The following PDK3 variants were observed in gnomAD, a reference collection of about 807,000 sequenced individuals.
PDK3 encodes the protein pyruvate dehydrogenase kinase 3.
PDK3 carries 12 observed loss-of-function variants against 32.0 expected under a neutral mutation model. That is an observed-to-expected ratio of 0.37 (90% CI 0.24 to 0.61). PDK3 has a LOEUF of 0.61. Ranked by LOEUF, PDK3 falls within the 20% of genes least tolerant of loss-of-function variation. PDK3 has a pLI of 0.65. For synonymous variants in PDK3, 122 were observed against 116.3 expected, an observed-to-expected ratio of 1.05 and a Z score of -0.31; for missense variants, 188 against 316.9, an observed-to-expected ratio of 0.59 and a Z score of 3.09.
In PDK3 at chrX:24,533,988, T is replaced by C. The variant is rs201109489; in HGVS notation, c.1137T>C (p.His379=). ...TTTTTAATAAGTCCGCATGGCGCCA[T>C]TACAAGACCACGCCTGAAGCCGATG... ...LPVFNKSAWR[H]YKTTPEADDW... The change falls in exon 11 of 11, where the codon CAT becomes CAC. Residue 379 remains histidine, a synonymous_variant. Coordinates refer to ENST00000379162, the MANE Select transcript of PDK3 (RefSeq NM_005391.5). The C allele has an allele frequency of 6.6e-6, 8 of 1,208,758 alleles. No individual in the cohort carries two copies. The highest frequency in any genetic ancestry group is 6.7e-6 in the Non-Finnish European group (6 of 894,483).
chrX:24,538,785 A>C (rs1348788558), downstream of PDK3, among the ~76,000 whole-genome samples: 2 of 111,315 alleles, frequency 1.8e-5, no homozygotes, highest in Non-Finnish European at 3.8e-5. Context: ...ATAATAAATA[A>C]ATAAATAAAA....
At chrX:24,476,667 A>G (rs749556378) in intron 1 of PDK3, among the ~76,000 whole-genome samples, 6 of 111,937 alleles carry the variant, frequency 5.4e-5, no homozygotes, top group Admixed American at 9.5e-5. Context: ...TAATTGATGA[A>G]CCAGCATTGA....
At chrX:24,473,157 C>T (rs974631303) in intron 1 of PDK3, among the ~76,000 whole-genome samples, 4 of 107,284 alleles carry the variant, frequency 3.7e-5, no homozygotes, top group African/African-American at 1.0e-4. Context: ...GGGTGGATCA[C>T]GAGGTCAAGA....
chrX:24,523,663 C>T (rs756547174), intron 6 of PDK3, among the ~76,000 whole-genome samples: 8 of 112,265 alleles, frequency 7.1e-5, no homozygotes, highest in African/African-American at 2.6e-4. Context: ...GTATTTTGTT[C>T]GAGAACAACC....
At chrX:24,470,436 C>G (rs1920978512) in intron 1 of PDK3, among the ~76,000 whole-genome samples, 1 of 110,768 alleles carries the variant, frequency 9.0e-6, no homozygotes, top group Non-Finnish European at 1.9e-5. Context: ...CCTGTAATCC[C>G]AGCACTTTGG....
chrX:24,498,544 C>T (rs1921773421), intron 2 of PDK3, among the ~76,000 whole-genome samples: 1 of 112,168 alleles, frequency 8.9e-6, no homozygotes. Flanking sequence ...GAGCCATTCC[C>T]TGTGTTCAGG....
chrX:24,506,481 A>G (rs916568153), intron 5 of PDK3, among the ~76,000 whole-genome samples: 1 of 112,125 alleles, frequency 8.9e-6, no homozygotes, highest in African/African-American at 3.2e-5. Flanking sequence ...TAGAAAGCAA[A>G]AGTGCATTGT....
At chrX:24,487,650 T>G (rs1379007973) in intron 1 of PDK3, among the ~76,000 whole-genome samples, 2 of 111,213 alleles carry the variant, frequency 1.8e-5, no homozygotes, top group African/African-American at 6.5e-5. Flanking sequence ...TAATAAAAAT[T>G]ATCAGAATGA....
intron 5 of PDK3, 80 bp downstream of exon 5, chrX:24,505,378 A>G (rs967477615): frequency 1.0e-5 from 7 of 681,721 alleles, no homozygotes; most frequent in Non-Finnish European, 1.6e-5. Flanking sequence ...CTATAGGGTT[A>G]TTTTGCAGTG....
intron 2 of PDK3, among the ~76,000 whole-genome samples, chrX:24,497,434 G>A (rs1921743806): frequency 8.9e-6 from 1 of 111,885 alleles, no homozygotes; most frequent in Non-Finnish European, 1.9e-5. Flanking sequence ...ACAGGCATGT[G>A]CCACCACGCC....
chrX:24,482,743 C>G (rs1921295318), intron 1 of PDK3, among the ~76,000 whole-genome samples: 1 of 112,402 alleles, frequency 8.9e-6, no homozygotes, highest in Non-Finnish European at 1.9e-5. Context: ...ACTTGTTAGT[C>G]TGCATTATCA....
intron 9 of PDK3, 82 bp from the exon 10 acceptor site, chrX:24,531,575 T>TGA: frequency 7.6e-6 from 4 of 529,434 alleles, no homozygotes; most frequent in Non-Finnish European, 9.9e-6. Flanking sequence ...AGAATTTATT[T>TGA]TAACCTTCTC....
Position 24,489,111 on chromosome X carries a change from TA to T in PDK3, c.107-5622del, listed in dbSNP as rs960634971. ...TGTTTTTCTTGGTAAGTTTATTATT[TA>T]AAAAAAAATGGTTGTTAGAACCTTT... On this transcript the variant is annotated intron_variant, in intron 1 of 10. Transcript: ENST00000379162. Among the ~76,000 whole-genome samples the T allele has an allele frequency of 1.6e-4, 18 of 110,411 alleles. No individual in the cohort carries two copies. In the East Asian group the frequency reaches 4.5e-3, roughly 28 times the overall value.
At chrX:24,474,221 A>G (rs893529020) in intron 1 of PDK3, among the ~76,000 whole-genome samples, 11 of 110,649 alleles carry the variant, frequency 9.9e-5, no homozygotes, top group Non-Finnish European at 1.7e-4. Context: ...TCCAAAGGGC[A>G]GGCGCTCACC....
chrX:24,536,227 A>G (rs1290218385), downstream of PDK3, among the ~76,000 whole-genome samples: 2 of 111,608 alleles, frequency 1.8e-5, no homozygotes, highest in Non-Finnish European at 3.8e-5. Context: ...TCACTAGAAA[A>G]TAATCTGTGT....
At chrX:24,531,585 C>T in intron 9 of PDK3, 72 bp from the exon 10 acceptor site, 1 of 561,231 alleles carries the variant, frequency 1.8e-6, no homozygotes, top group South Asian at 2.8e-5. Flanking sequence ...TTAACCTTCT[C>T]TGAATGGTCA....
rs769237369 is a variant in PDK3 at position 24,511,848 on chromosome X, C to CA, written c.595+6566dup. On this transcript the variant is annotated intron_variant, in intron 5 of 10. Transcript: ENST00000379162. ...GGGCAACAAGAGTGAAGCTCCATCT[C>CA]AAAAAAAAAAAAAAAACCACACAAA... Among the ~76,000 whole-genome samples, 318 of 53,107 alleles carry CA rather than the reference C, an allele frequency of 6.0e-3. 4 individuals carry two copies. Among genetic ancestry groups the CA allele is most frequent in the Middle Eastern group, 0.038 (3 of 79 alleles). 46.1% of individuals were successfully genotyped at this position (53,107 alleles called of 115,157 possible).
intron 1 of PDK3, among the ~76,000 whole-genome samples, chrX:24,474,817 A>G (rs971441370): frequency 8.9e-6 from 1 of 111,872 alleles, no homozygotes; most frequent in Non-Finnish European, 1.9e-5. Context: ...AAAACTAAAT[A>G]TTTTGATTTC....
intron 6 of PDK3, among the ~76,000 whole-genome samples, chrX:24,522,688 T>A (rs950777812): frequency 9.0e-6 from 1 of 110,635 alleles, no homozygotes; most frequent in Non-Finnish European, 1.9e-5. Context: ...GGCGGATCAC[T>A]TGAGGTCAGG....
Sources: gnomAD v4.1 joint callset for allele counts (sites outside exome capture counted in the v4.1 genomes callset) on GRCh38, gnomAD v4.1.1 for gene constraint, MANE v1.5 for transcripts, NCBI Gene and HGNC (gene_info 2026-07-23, HGNC 2026-07-21) for gene names.